RIN2: variants seen among roughly 807,000 people sequenced by gnomAD.
RIN2 encodes the protein Ras and Rab interactor 2.
A neutral mutation model predicts 78.0 loss-of-function variants in RIN2; 36 were observed. That is an observed-to-expected ratio of 0.46 (90% CI 0.35 to 0.61). RIN2 has a LOEUF of 0.61. Ranked by LOEUF, RIN2 falls within the 20% of genes least tolerant of loss-of-function variation. The probability of loss-of-function intolerance (pLI) is 0.00; values close to 1 mark genes in which losing one functional copy is unlikely to be tolerated. For missense variants in RIN2, 1,087 were observed against 1,159.7 expected (o/e 0.94, Z 0.91); for synonymous variants, 466 against 466.8 (o/e 1.00, Z 0.02).
chr20:19,820,875 A>G (rs1426270694), intron 2 of RIN2, among the ~76,000 whole-genome samples: 1 of 152,188 alleles, frequency 6.6e-6, no homozygotes, highest in Non-Finnish European at 1.5e-5. Context: ...CCTAATTTAC[A>G]GCATTTGCTG....
intron 2 of RIN2, among the ~76,000 whole-genome samples, chr20:19,874,479 G>A (rs188777520): frequency 9.8e-5 from 15 of 152,314 alleles, no homozygotes; most frequent in Non-Finnish European, 2.1e-4. Context: ...GACAGTGAAA[G>A]GTGGAGCTAA....
intron 2 of RIN2, among the ~76,000 whole-genome samples, chr20:19,816,505 C>T (rs1016491636): frequency 6.6e-6 from 1 of 152,172 alleles, no homozygotes; most frequent in African/African-American, 2.4e-5. Flanking sequence ...AACAAGGTGT[C>T]AGAAGATCAA....
At chr20:19,869,707 C>T (rs1221794217) in intron 2 of RIN2, among the ~76,000 whole-genome samples, 3 of 151,720 alleles carry the variant, frequency 2.0e-5, no homozygotes, top group Admixed American at 2.0e-4. Context: ...CTACTGCAGC[C>T]TCGAACTCCT....
chr20:19,963,785 A>C (rs2041843174), intron 6 of RIN2, among the ~76,000 whole-genome samples: 1 of 151,062 alleles, frequency 6.6e-6, no homozygotes, highest in Non-Finnish European at 1.5e-5. Context: ...TGAGTATTTG[A>C]AGTCAGACTA....
At chr20:19,774,030 T>C (rs1471984609) in intron 1 of RIN2, among the ~76,000 whole-genome samples, 3 of 152,046 alleles carry the variant, frequency 2.0e-5, no homozygotes, top group African/African-American at 7.3e-5. Context: ...TCCTGCATTC[T>C]GACCCTGAGC....
At chr20:19,982,243 C>T (rs1462773720) in intron 9 of RIN2, among the ~76,000 whole-genome samples, 1 of 152,316 alleles carries the variant, frequency 6.6e-6, no homozygotes, top group South Asian at 2.1e-4. Context: ...CCCCGGGAAG[C>T]TGTGCGTGGC....
chr20:19,986,102 A>G (rs1003390082), intron 9 of RIN2, among the ~76,000 whole-genome samples: 4 of 152,170 alleles, frequency 2.6e-5, no homozygotes, highest in Non-Finnish European at 5.9e-5. Flanking sequence ...AAAAATGGAG[A>G]GTAGTAATTT....
chr20:19,918,374 T>C lies in RIN2; in HGVS notation c.58-16725T>C, dbSNP rs986741578. On this transcript the variant is annotated intron_variant, in intron 3 of 12. Transcript: ENST00000255006. Reference sequence around the variant, plus strand: ...TACATTGTGTGTGTGTGTGTGTGTGTGTGTGTGTGTGTGTGTGTGTCAAAG... The same window carrying C: ...TACATTGTGTGTGTGTGTGTGTGTGCGTGTGTGTGTGTGTGTGTGTCAAAG... 8.5e-4 allele frequency among the ~76,000 whole-genome samples: 129 copies of C among 151,962 alleles called. 1 individual carries two copies. The highest frequency in any genetic ancestry group is 3.0e-3 in the African/African-American group (124 of 41,454).
chr20:19,764,493 G>A (rs1172085055), intron 1 of RIN2, among the ~76,000 whole-genome samples: 1 of 152,182 alleles, frequency 6.6e-6, no homozygotes, highest in African/African-American at 2.4e-5. Context: ...AAGGGACGTG[G>A]AACCTAAACG....
intron 3 of RIN2, chr20:19,934,326 C>A: frequency 4.8e-6 from 1 of 207,406 alleles, no homozygotes; most frequent in Non-Finnish European, 8.4e-6. Flanking sequence ...TGAGAACAGC[C>A]ACTGTACACT....
chr20:19,767,361 C>G (rs976592825), intron 1 of RIN2, among the ~76,000 whole-genome samples: 2 of 152,150 alleles, frequency 1.3e-5, no homozygotes, highest in Non-Finnish European at 1.5e-5. Context: ...GTAGGTCAGA[C>G]AGTTTCTTTA....
chr20:19,914,297 G>T (rs934237275), intron 3 of RIN2, among the ~76,000 whole-genome samples: 6 of 152,086 alleles, frequency 3.9e-5, no homozygotes, highest in Non-Finnish European at 7.4e-5. Context: ...GTCTAGTTAG[G>T]CTATTACCCT....
chr20:19,824,997 A>G (rs1213722638), intron 2 of RIN2, among the ~76,000 whole-genome samples: 2 of 152,158 alleles, frequency 1.3e-5, no homozygotes, highest in African/African-American at 4.8e-5. Flanking sequence ...ACACACTCAG[A>G]CATACTGACT....
chr20:19,761,666 T>C (rs2033646416), intron 1 of RIN2, among the ~76,000 whole-genome samples: 1 of 152,228 alleles, frequency 6.6e-6, no homozygotes, highest in South Asian at 2.1e-4. Flanking sequence ...TAAAAATGTA[T>C]ATTCTGGACA....
intron 3 of RIN2, among the ~76,000 whole-genome samples, chr20:19,933,962 C>A (rs1323659482): frequency 3.3e-5 from 5 of 152,120 alleles, no homozygotes; most frequent in Non-Finnish European, 5.9e-5. Context: ...GCACGCACCA[C>A]CACGCCTGGC....
At position 19,975,440 on chromosome 20, in the gene RIN2, C is replaced by G. The variant is rs1413411723; in HGVS notation, c.1415C>G (p.Thr472Ser). The G allele has an allele frequency of 5.0e-6, 8 of 1,614,062 alleles. No individual in the cohort carries two copies. The South Asian group carries it at 7.7e-5, about 16-fold the overall frequency. ...EDYEGESDQE[T>S]MAPPIKSKKK... ...TACGAGGGGGAAAGTGACCAAGAGACCATGGCGCCCCCCATCAAGTCCAAA... is the reference window on the plus strand; with the variant it reads ...TACGAGGGGGAAAGTGACCAAGAGAGCATGGCGCCCCCCATCAAGTCCAAA... Residue 472 changes from threonine to serine, a missense_variant, in exon 9 of 13, where the codon ACC (threonine) becomes AGC (serine). Thr to Ser is a moderately conservative substitution (Grantham distance 58). Around this residue, in one of 8 missense-constraint regions of RIN2, gnomAD observed 706 missense variants for 667.5 expected, o/e 1.06. Transcript: ENST00000255006. This position sits in a 1 kb window ranked among gnomAD's most constrained non-coding sequence, Gnocchi z 4.9.
Position 20,002,008 on chromosome 20 carries a change from C to T in RIN2, c.*1072C>T, listed in dbSNP as rs915791098. The T allele has an allele frequency of 1.3e-5, 2 of 152,516 alleles. No homozygotes were observed. Among genetic ancestry groups the T allele is most frequent in the African/African-American group, 4.8e-5 (2 of 41,436 alleles). The allele number at this position is 152,516 out of a possible 1,614,324, so 9.4% of individuals were successfully genotyped here. On this transcript the variant is annotated 3_prime_UTR_variant, in exon 13 of 13. Coordinates refer to ENST00000255006, the MANE Select transcript of RIN2 (RefSeq NM_018993.4). ...AAGAAGAACACTTTTCTCCCTTTTCCATACAAATTAAAACTTAACAGCATC... is the reference window on the plus strand; with the variant it reads ...AAGAAGAACACTTTTCTCCCTTTTCTATACAAATTAAAACTTAACAGCATC...
intron 1 of RIN2, among the ~76,000 whole-genome samples, chr20:19,795,859 C>A (rs1442653034): frequency 6.6e-6 from 1 of 152,114 alleles, no homozygotes; most frequent in Non-Finnish European, 1.5e-5. Context: ...GCTCCAGAAG[C>A]TCTATGTTTA....
At chr20:19,910,220 A>G (rs2039402383) in intron 3 of RIN2, among the ~76,000 whole-genome samples, 1 of 152,128 alleles carries the variant, frequency 6.6e-6, no homozygotes, top group Non-Finnish European at 1.5e-5. Context: ...TCTGTCACCC[A>G]GACTGGAGTG....
Sources: allele counts gnomAD v4.1 joint callset (sites outside exome capture counted in the v4.1 genomes callset), GRCh38; gene constraint gnomAD v4.1.1; regional missense constraint gnomAD v4.1.1; non-coding constraint Gnocchi (gnomAD v3.1); transcripts MANE v1.5; gene names NCBI Gene and HGNC (gene_info 2026-07-23, HGNC 2026-07-21).